The following IL5 variants were observed in gnomAD, a reference collection of about 807,000 sequenced individuals.
IL5 encodes the protein interleukin-5.
A neutral mutation model predicts 16.3 loss-of-function variants in IL5; 12 were observed. The ratio of observed to expected loss-of-function variants is 0.74; its 90% CI spans 0.47 to 1.20. The LOEUF (loss-of-function observed/expected upper bound fraction) is 1.20, where lower values mean the gene tolerates loss of function less well. IL5 is among the 50% of genes most tolerant of loss of function. The probability of loss-of-function intolerance (pLI) is 0.00; values close to 1 mark genes in which losing one functional copy is unlikely to be tolerated. For synonymous variants in IL5, 54 were observed against 56.6 expected, an observed-to-expected ratio of 0.95 and a Z score of 0.21; for missense variants, 159 against 153.9, an observed-to-expected ratio of 1.03 and a Z score of -0.17.
chr5:132,554,698 ACCC>A (rs1749943636), intron 1 of IL5, among the ~76,000 whole-genome samples: 1 of 152,210 alleles, frequency 6.6e-6, no homozygotes, highest in African/African-American at 2.4e-5. Context: ...CTGGGTATAT[ACCC>A]AAAAGAATTG....
chr5:132,554,379 A>T (rs1749938434), intron 1 of IL5, among the ~76,000 whole-genome samples: 1 of 151,802 alleles, frequency 6.6e-6, no homozygotes, highest in Admixed American at 6.6e-5. Context: ...AAAAAAAAAA[A>T]AAAAAAAAGT....
At position 132,543,081 on chromosome 5, in the gene IL5, T is replaced by G. The variant is rs1749724034; in HGVS notation, c.177+13A>C. On this transcript the variant is annotated intron_variant, in intron 2 of 3. Coordinates refer to ENST00000231454, the MANE Select transcript of IL5 (RefSeq NM_000879.3). ...TTCATGCCATCATTTTACTGAATCA[T>G]AATTTAACTTACATTTTTATGTACA... is the stretch of plus-strand genomic sequence containing the variant. 1 of 1,572,864 alleles carries G rather than the reference T, an allele frequency of 6.4e-7. No homozygotes were observed.
rs1328267404 is a variant in IL5 at position 132,541,890 on chromosome 5, C to G, written c.326G>C (p.Arg109Thr). The change falls in exon 4 of 4, where the codon AGA becomes ACA. Residue 109 changes from arginine (R) to threonine (T), a missense_variant. By Grantham distance (71) the Arg-to-Thr change is moderately conservative. Transcript: ENST00000231454. The part of the protein sequence containing the change: ...DGQKKKCGEE[R>T]RRVNQFLDYL... ...GTCTAGGAATTGGTTTACTCTCCGT[C>G]TTTCTTCTCCACACTTTTTCTGTGA... 1 of 1,613,746 alleles carries G rather than the reference C, an allele frequency of 6.2e-7. No individual in the cohort carries two copies. The highest frequency in any genetic ancestry group is 8.5e-7 in the Non-Finnish European group (1 of 1,179,818).
chr5:132,547,755 T>C (rs1749816152), upstream of IL5, among the ~76,000 whole-genome samples: 1 of 152,112 alleles, frequency 6.6e-6, no homozygotes, highest in Non-Finnish European at 1.5e-5. Context: ...CTAAAACTAC[T>C]TAAAATAAAA....
At chr5:132,548,540 C>T (rs984610396) in intron 1 of IL5, among the ~76,000 whole-genome samples, 20 of 152,156 alleles carry the variant, frequency 1.3e-4, no homozygotes, top group African/African-American at 1.7e-4. Flanking sequence ...GAAAAACAAT[C>T]GCTTCCCAGC....
At chr5:132,549,078 CAG>C (rs1462939059) in intron 1 of IL5, among the ~76,000 whole-genome samples, 1 of 151,804 alleles carries the variant, frequency 6.6e-6, no homozygotes, top group East Asian at 1.9e-4. Context: ...TTTTTTGAGA[CAG>C]AGTCTTGCTC....
intron 1 of IL5, among the ~76,000 whole-genome samples, chr5:132,553,806 G>A (rs1421955957): frequency 1.3e-5 from 2 of 151,672 alleles, no homozygotes; most frequent in African/African-American, 4.8e-5. Context: ...GCGGTGGCGG[G>A]CGCCTGTAGT....
intron 1 of IL5, among the ~76,000 whole-genome samples, chr5:132,552,104 A>G (rs1026212219): frequency 3.3e-5 from 5 of 152,150 alleles, no homozygotes; most frequent in African/African-American, 1.2e-4. Context: ...CCCCGTCTCT[A>G]CTAAAAATAC....
chr5:132,547,033 A>AT (rs149603704), upstream of IL5, among the ~76,000 whole-genome samples: 3 of 152,184 alleles, frequency 2.0e-5, no homozygotes, highest in Non-Finnish European at 4.4e-5. Context: ...CTCAAAAAAA[A>AT]GAAAGAGCTT....
upstream of IL5, among the ~76,000 whole-genome samples, chr5:132,547,536 A>G (rs76115198): frequency 2.4e-3 from 363 of 152,332 alleles, 8 homozygotes; most frequent in East Asian, 0.054. Context: ...CGTGATGACT[A>G]CATACAATGT....
At chr5:132,544,169 T>A (rs1290983334), upstream of IL5, among the ~76,000 whole-genome samples, 2 of 152,210 alleles carry the variant, frequency 1.3e-5, no homozygotes, top group Non-Finnish European at 2.9e-5. Context: ...CTTGACTCCA[T>A]CCTTGGGCAC....
chr5:132,545,158 TA>T (rs1445032459), upstream of IL5, among the ~76,000 whole-genome samples: 2 of 152,140 alleles, frequency 1.3e-5, no homozygotes, highest in Non-Finnish European at 2.9e-5. Flanking sequence ...AAAGTGCTCT[TA>T]AAATGGTATT....
intron 1 of IL5, among the ~76,000 whole-genome samples, chr5:132,549,159 G>A (rs1470847108): frequency 3.3e-5 from 5 of 152,120 alleles, no homozygotes; most frequent in East Asian, 3.9e-4. Context: ...AGGTTCAAGC[G>A]ATTCTCCTGC....
intron 1 of IL5, among the ~76,000 whole-genome samples, chr5:132,553,974 G>A (rs1214292380): frequency 6.9e-6 from 1 of 145,562 alleles, no homozygotes; most frequent in Non-Finnish European, 1.5e-5. Context: ...GGTCTTGGTG[G>A]TTTACACAAA....
chr5:132,552,800 A>G (rs943400548), intron 1 of IL5, among the ~76,000 whole-genome samples: 6 of 152,112 alleles, frequency 3.9e-5, no homozygotes, highest in African/African-American at 1.4e-4. Flanking sequence ...CAGTGGCGTG[A>G]TCTTGGCTCA....
At chr5:132,542,629 A>G (rs1749716183) in intron 2 of IL5, among the ~76,000 whole-genome samples, 1 of 152,234 alleles carries the variant, frequency 6.6e-6, no homozygotes, top group Non-Finnish European at 1.5e-5. Flanking sequence ...ACATATTCAA[A>G]TGCATACAAC....
chr5:132,550,623 G>GA (rs5871457), intron 1 of IL5, among the ~76,000 whole-genome samples: 142,507 of 152,124 alleles, frequency 0.94, 67,347 homozygotes, highest in East Asian at 1. Context: ...CGCCTGGCCA[G>GA]AAAAAATAAC....
intron 1 of IL5, among the ~76,000 whole-genome samples, chr5:132,555,314 T>A (rs1357411909): frequency 6.6e-6 from 1 of 152,184 alleles, no homozygotes; most frequent in Non-Finnish European, 1.5e-5. Flanking sequence ...ACTGTATGAT[T>A]CCACTTATAT....
Position 132,543,320 on chromosome 5 carries a change from CAT to C in IL5, c.144+13_144+14del, listed in dbSNP as rs1247472228. 2.5e-6 allele frequency: 4 copies of C among 1,611,338 alleles called. No individual in the cohort carries two copies. Among genetic ancestry groups the C allele is most frequent in the Non-Finnish European group, 3.4e-6 (4 of 1,177,848 alleles). ...TATGCACTTTACAGACTGTAGGAAT[CAT>C]AAAGAAAATTACCTCATTGGCTATC... On this transcript the variant is annotated intron_variant, in intron 1 of 3. Transcript: ENST00000231454.
Sources: gnomAD v4.1 joint callset for allele counts (sites outside exome capture counted in the v4.1 genomes callset) on GRCh38, gnomAD v4.1.1 for gene constraint, MANE v1.5 for transcripts, NCBI Gene and HGNC (gene_info 2026-07-23, HGNC 2026-07-21) for gene names.